The following OR5A1 variants were observed in gnomAD, a reference collection of about 807,000 sequenced individuals.
The protein encoded by OR5A1 is olfactory receptor family 5 subfamily A member 1.
A neutral mutation model predicts 6.7 loss-of-function variants in OR5A1; 6 were observed. The observed-to-expected ratio is 0.89, with a 90% CI of 0.49 to 1.76. The LOEUF is 1.76. Ranked by LOEUF, OR5A1 falls within the 40% of genes most tolerant of loss-of-function variation. The pLI, the probability that OR5A1 is intolerant of heterozygous loss-of-function variation, is 0.01. For synonymous variants in OR5A1, 170 were observed against 155.0 expected, an observed-to-expected ratio of 1.10 and a Z score of -0.72; for missense variants, 378 against 381.7, an observed-to-expected ratio of 0.99 and a Z score of 0.08.
At chr11:59,443,105 C>A in intron 1 of OR5A1, 31 bp from the exon 2 acceptor site, 3 of 1,257,220 alleles carry the variant, frequency 2.4e-6, no homozygotes, top group Non-Finnish European at 3.4e-6. Context: ...GCTAATACCA[C>A]CTATAATGTG....
chr11:59,443,677 A>C lies in OR5A1; in HGVS notation c.509A>C (p.His170Pro), dbSNP rs1173644844. Residue 170 changes from histidine (H) to proline (P), a missense_variant, in exon 2 of 2, where the codon CAC becomes CCC. By Grantham distance (77) the His-to-Pro change is moderately conservative. Coordinates refer to ENST00000641045, the MANE Select transcript of OR5A1 (RefSeq NM_001004728.2). ...CAGGCCAGCTCCATATTTAGGCTTC[A>C]CTTTTGCGGACCCAACATCATCAAC... ...LIQASSIFRL[H>P]FCGPNIINHF... 1 of 1,613,988 alleles carries C rather than the reference A, an allele frequency of 6.2e-7. No homozygotes were observed. The highest frequency in any genetic ancestry group is 1.3e-5 in the African/African-American group (1 of 74,968).
At chr11:59,440,553 G>A (rs1215142116) in intron 1 of OR5A1, among the ~76,000 whole-genome samples, 2 of 152,072 alleles carry the variant, frequency 1.3e-5, no homozygotes, top group African/African-American at 4.8e-5. Context: ...AACCTGAATG[G>A]GTGCCCCCAG....
At position 59,444,318 on chromosome 11, in the gene OR5A1, A is replaced by AT. The variant is rs1858522544; in HGVS notation, c.*202_*203insT. 58 of 220,662 alleles carry AT rather than the reference A, an allele frequency of 2.6e-4. No homozygotes were observed. Among genetic ancestry groups the AT allele is most frequent in the East Asian group, 9.4e-4 (12 of 12,812 alleles). 13.7% of individuals were successfully genotyped at this position (220,662 alleles called of 1,614,324 possible). On this transcript the variant is annotated 3_prime_UTR_variant, in exon 2 of 2. Coordinates refer to ENST00000641045, the MANE Select transcript of OR5A1 (RefSeq NM_001004728.2). ...AGCCAAAAAGGGAAGGAATTTCTTC[A>AT]GAAAAAAAAAAAAAAAAAAAAGAAC...
rs143071629 is a variant in OR5A1 at position 59,443,605 on chromosome 11, G to T, written c.437G>T (p.Arg146Leu). The change falls in exon 2 of 2, where the codon CGC (arginine) becomes CTC (leucine). Residue 146 changes from arginine to leucine, a missense_variant. Transcript: ENST00000641045. ...PTIMTQGLCT[R>L]MVVGAYVGGF... ...ATCATGACCCAGGGCCTCTGTACAC[G>T]CATGGTGGTTGGGGCATATGTTGGT... The T allele has an allele frequency of 6.2e-6, 10 of 1,613,820 alleles. No individual in the cohort carries two copies. The highest frequency in any genetic ancestry group is 8.5e-6 in the Non-Finnish European group (10 of 1,180,016).
In OR5A1 at chr11:59,448,467, C is replaced by T. The variant is rs1858578039; in HGVS notation, c.*4351C>T. On this transcript the variant is annotated 3_prime_UTR_variant, in exon 2 of 2. Coordinates refer to ENST00000641045, the MANE Select transcript of OR5A1 (RefSeq NM_001004728.2). Reference sequence around the variant, plus strand: ...TCTTTATGATGACGTTGGTCTCATCCAATGCTTGGATCTTACAGGATTATT... The same window carrying T: ...TCTTTATGATGACGTTGGTCTCATCTAATGCTTGGATCTTACAGGATTATT... 1 of 152,008 alleles carries T rather than the reference C, an allele frequency of 6.6e-6. No homozygotes were observed. The highest frequency in any genetic ancestry group is 2.4e-5 in the African/African-American group (1 of 41,370). The allele number at this position is 152,008 out of a possible 1,614,324, so 9.4% of individuals were successfully genotyped here. A position where few individuals can be genotyped will look rare whatever the true frequency, so the allele number is the denominator to read the frequency against.
rs961757811 is a variant in OR5A1 at position 59,445,743 on chromosome 11, G to C, written c.*1627G>C. ...GGTATCTCATTGTGATTTTTTATTTGCATTTCTCTAATAATTAGTGATGTT... is the reference window on the plus strand; with the variant it reads ...GGTATCTCATTGTGATTTTTTATTTCCATTTCTCTAATAATTAGTGATGTT... On this transcript the variant is annotated 3_prime_UTR_variant, in exon 2 of 2. Coordinates refer to ENST00000641045, the MANE Select transcript of OR5A1 (RefSeq NM_001004728.2). 2.6e-5 allele frequency: 4 copies of C among 151,954 alleles called. No individual in the cohort carries two copies. The highest frequency in any genetic ancestry group is 9.7e-5 in the African/African-American group (4 of 41,374). The allele number at this position is 151,954 out of a possible 1,614,324, so 9.4% of individuals were successfully genotyped here.
rs1858601246 is a variant in OR5A1, at chr11:59,450,202, TAGAA to T, written c.*6089_*6092del. 2 of 152,198 alleles carry T rather than the reference TAGAA, an allele frequency of 1.3e-5. No homozygotes were observed. The highest frequency in any genetic ancestry group is 6.5e-5 in the Admixed American group (1 of 15,276). The allele number at this position is 152,198 out of a possible 1,614,324, so 9.4% of individuals were successfully genotyped here. A position where few individuals can be genotyped will look rare whatever the true frequency, so the allele number is the denominator to read the frequency against. On this transcript the variant is annotated 3_prime_UTR_variant, in exon 2 of 2. Coordinates refer to ENST00000641045, the MANE Select transcript of OR5A1 (RefSeq NM_001004728.2). ...ATCATGCAACCCTGAGGTTACAAAA[TAGAA>T]AGGCTATCGTTTGATCCTGACCTCA...
rs1858521355 is a variant in OR5A1, at chr11:59,444,216, T to C, written c.*100T>C. 1 of 785,780 alleles carries C rather than the reference T, an allele frequency of 1.3e-6. No homozygotes were observed. The highest frequency in any genetic ancestry group is 2.1e-6 in the Non-Finnish European group (1 of 485,130). The allele number at this position is 785,780 out of a possible 1,614,324, so 48.7% of individuals were successfully genotyped here. A position where few individuals can be genotyped will look rare whatever the true frequency, so the allele number is the denominator to read the frequency against. ...CAGGCAAGGGAGATATTTGGTGCTC[T>C]CATTTGTGGAGACTCTTCCCTCCAG... On this transcript the variant is annotated 3_prime_UTR_variant, in exon 2 of 2. Transcript: ENST00000641045.
In OR5A1 at chr11:59,441,594, G is replaced by A. The variant is rs150572634; in HGVS notation, c.-33-1542G>A. ...TTTCCTGGTACTTTCTATAGGATTAGGGAAACCTACCAGTTTCAGAGACCT... is the reference window on the plus strand; with the variant it reads ...TTTCCTGGTACTTTCTATAGGATTAAGGAAACCTACCAGTTTCAGAGACCT... On this transcript the variant is annotated intron_variant, in intron 1 of 1. Transcript: ENST00000641045. Among the ~76,000 whole-genome samples the A allele has an allele frequency of 3.0e-4, 46 of 152,254 alleles. 1 individual carries two copies. The East Asian group carries it at 8.9e-3, about 29-fold the overall frequency.
chr11:59,449,848 C>T lies in OR5A1; in HGVS notation c.*5732C>T, dbSNP rs528896579. 6.6e-6 allele frequency: 1 copy of T among 152,218 alleles called. No individual in the cohort carries two copies. The highest frequency in any genetic ancestry group is 2.1e-4 in the South Asian group (1 of 4,826). The allele number at this position is 152,218 out of a possible 1,614,324, so 9.4% of individuals were successfully genotyped here. A position where few individuals can be genotyped will look rare whatever the true frequency, so the allele number is the denominator to read the frequency against. Reference sequence around the variant, plus strand: ...GCAAATGGACACCCCTTTGTTCATTCATCTTCAAAAAGAATTATTGAATAA... The same window carrying T: ...GCAAATGGACACCCCTTTGTTCATTTATCTTCAAAAAGAATTATTGAATAA... On this transcript the variant is annotated 3_prime_UTR_variant, in exon 2 of 2. Coordinates refer to ENST00000641045, the MANE Select transcript of OR5A1 (RefSeq NM_001004728.2).
rs1257644987 is a variant in OR5A1, at chr11:59,445,969, G to T, written c.*1853G>T. On this transcript the variant is annotated 3_prime_UTR_variant, in exon 2 of 2. Transcript: ENST00000641045. ...GTTCATTCTAATGATAGCTTCTTTT[G>T]CAGAATCTCTTTAGTTTAATTAGAT... 2.0e-5 allele frequency: 3 copies of T among 151,720 alleles called. No homozygotes were observed. The highest frequency in any genetic ancestry group is 7.3e-5 in the African/African-American group (3 of 41,320). 9.4% of individuals were successfully genotyped at this position (151,720 alleles called of 1,614,324 possible). A position where few individuals can be genotyped will look rare whatever the true frequency, so the allele number is the denominator to read the frequency against.
rs375293660 is a variant in OR5A1 at position 59,446,914 on chromosome 11, G to A, written c.*2798G>A. On this transcript the variant is annotated 3_prime_UTR_variant, in exon 2 of 2. Transcript: ENST00000641045. Reference sequence around the variant, plus strand: ...AAGAACATAAACAATGCATAGGAAAGCAGAGATCCCTTCTCAGGTTTCCTG... The same window carrying A: ...AAGAACATAAACAATGCATAGGAAAACAGAGATCCCTTCTCAGGTTTCCTG... 5 of 152,312 alleles carry A rather than the reference G, an allele frequency of 3.3e-5. No individual in the cohort carries two copies. The South Asian group carries it at 6.2e-4, about 19-fold the overall frequency. The allele number at this position is 152,312 out of a possible 1,614,324, so 9.4% of individuals were successfully genotyped here.
At position 59,446,546 on chromosome 11, in the gene OR5A1, C is replaced by A. The variant is rs1349675135; in HGVS notation, c.*2430C>A. On this transcript the variant is annotated 3_prime_UTR_variant, in exon 2 of 2. Coordinates refer to ENST00000641045, the MANE Select transcript of OR5A1 (RefSeq NM_001004728.2). ...TTCACAGTTTGGTGTCCTTTTTGAT[C>A]ACCACACCCTGAATTCCCCTTGCTA... The A allele has an allele frequency of 6.6e-6, 1 of 152,200 alleles. No homozygotes were observed. The highest frequency in any genetic ancestry group is 2.4e-5 in the African/African-American group (1 of 41,446). The allele number at this position is 152,200 out of a possible 1,614,324, so 9.4% of individuals were successfully genotyped here.
At chr11:59,441,177 A>G (rs1858476966) in intron 1 of OR5A1, among the ~76,000 whole-genome samples, 1 of 152,198 alleles carries the variant, frequency 6.6e-6, no homozygotes, top group African/African-American at 2.4e-5. Context: ...TTACTTCCCA[A>G]ATTGTGAAGT....
Position 59,445,082 on chromosome 11 carries a change from G to A in OR5A1, c.*966G>A, listed in dbSNP as rs1858531220. On this transcript the variant is annotated 3_prime_UTR_variant, in exon 2 of 2. Coordinates refer to ENST00000641045, the MANE Select transcript of OR5A1 (RefSeq NM_001004728.2). ...GTTACATAGGTAAACATATGTCATG[G>A]TGATTTGCTGCACCTATCCACCCAT... The A allele has an allele frequency of 6.6e-6, 1 of 151,924 alleles. No homozygotes were observed. 9.4% of individuals were successfully genotyped at this position (151,924 alleles called of 1,614,324 possible).
chr11:59,438,070 T>C (rs1267982505), intron 1 of OR5A1, among the ~76,000 whole-genome samples: 2 of 152,274 alleles, frequency 1.3e-5, no homozygotes, highest in South Asian at 2.1e-4. Context: ...CCATATGAGA[T>C]GTCTACTCCC....
Position 59,443,585 on chromosome 11 carries a change from GACCCA to G in OR5A1, c.418_422del (p.Thr140GlyfsTer27), listed in dbSNP as rs774040347. On this transcript the variant is annotated frameshift_variant, in exon 2 of 2. Coordinates refer to ENST00000641045, the MANE Select transcript of OR5A1 (RefSeq NM_001004728.2). LOFTEE classifies it high-confidence loss of function. ...GCCCCCTTCTCTACCCCACTATCAT[GACCCA>G]GGGCCTCTGTACACGCATGGTGGTT... The G allele has an allele frequency of 3.8e-5, 62 of 1,613,798 alleles. 2 individuals are homozygous for G. In the Middle Eastern group the frequency reaches 4.9e-4, roughly 13 times the overall value.
At chr11:59,437,437 C>A (rs1858429549) in intron 1 of OR5A1, among the ~76,000 whole-genome samples, 1 of 152,124 alleles carries the variant, frequency 6.6e-6, no homozygotes, top group South Asian at 2.1e-4. Flanking sequence ...CCTACGTAGC[C>A]TTTCAGGTTA....
chr11:59,444,268 C>A lies in OR5A1; in HGVS notation c.*152C>A. The A allele has an allele frequency of 2.8e-6, 1 of 352,190 alleles. No homozygotes were observed. The allele number at this position is 352,190 out of a possible 1,614,324, so 21.8% of individuals were successfully genotyped here. On this transcript the variant is annotated 3_prime_UTR_variant, in exon 2 of 2. Coordinates refer to ENST00000641045, the MANE Select transcript of OR5A1 (RefSeq NM_001004728.2). ...TTCCTCTCACCCTTCCTCATGGTCA[C>A]TTGTCTACTGACTGTGCCATAGATA...
Sources: gnomAD v4.1 joint callset for allele counts (sites outside exome capture counted in the v4.1 genomes callset) on GRCh38, gnomAD v4.1.1 for gene constraint, MANE v1.5 for transcripts, NCBI Gene and HGNC (gene_info 2026-07-23, HGNC 2026-07-21) for gene names.